Variants in TNFRSF19 observed in about 807,000 individuals in gnomAD.
The protein encoded by TNFRSF19 is TNF receptor superfamily member 19, also known as tumor necrosis factor receptor superfamily member 19.
Under a neutral mutation model 46.4 loss-of-function variants are expected in TNFRSF19, and 27 were observed. The observed-to-expected ratio is 0.58, with a 90% CI of 0.43 to 0.80. The LOEUF is 0.80. Ranked by LOEUF, TNFRSF19 falls within the 30% of genes least tolerant of loss-of-function variation. The pLI, the probability that TNFRSF19 is intolerant of heterozygous loss-of-function variation, is 0.00. For synonymous variants in TNFRSF19, 204 were observed against 205.0 expected, an observed-to-expected ratio of 1.00 and a Z score of 0.04; for missense variants, 511 against 530.8, an observed-to-expected ratio of 0.96 and a Z score of 0.37.
intron 3 of TNFRSF19, among the ~76,000 whole-genome samples, chr13:23,607,440 AATAG>A (rs1277661954): frequency 6.6e-6 from 1 of 152,150 alleles, no homozygotes; most frequent in Non-Finnish European, 1.5e-5. Flanking sequence ...TAAATAGATA[AATAG>A]ATAGACAGTT....
At chr13:23,629,397 G>C (rs955739710) in intron 5 of TNFRSF19, among the ~76,000 whole-genome samples, 1 of 152,172 alleles carries the variant, frequency 6.6e-6, no homozygotes, top group Non-Finnish European at 1.5e-5. Flanking sequence ...GGGGCTGTCT[G>C]TCCTAACCTA....
intron 1 of TNFRSF19, among the ~76,000 whole-genome samples, chr13:23,577,940 T>TG (rs892753782): frequency 6.6e-6 from 1 of 150,408 alleles, no homozygotes; most frequent in Non-Finnish European, 1.5e-5. Context: ...TGGTGAGGGG[T>TG]GGGGAGGGTC....
chr13:23,602,657 T>G (rs1045788773), intron 3 of TNFRSF19, among the ~76,000 whole-genome samples: 2 of 152,114 alleles, frequency 1.3e-5, no homozygotes, highest in African/African-American at 4.8e-5. Flanking sequence ...AATCGTATAG[T>G]GTCTGCTGTC....
intron 3 of TNFRSF19, among the ~76,000 whole-genome samples, chr13:23,602,931 C>T (rs1880266342): frequency 6.6e-6 from 1 of 151,818 alleles, no homozygotes; most frequent in African/African-American, 2.4e-5. Context: ...TAAGCTTATA[C>T]CTTATAAAAC....
intron 5 of TNFRSF19, among the ~76,000 whole-genome samples, chr13:23,634,434 G>T (rs1487350244): frequency 6.6e-6 from 1 of 152,182 alleles, no homozygotes; most frequent in Non-Finnish European, 1.5e-5. Context: ...ACAATCAACA[G>T]GTTGTGATTT....
chr13:23,669,854 T>C (rs913562), intron 9 of TNFRSF19: 276,540 of 321,574 alleles, frequency 0.86, 119,715 homozygotes, highest in Admixed American at 0.9. Context: ...TAAATGGGAG[T>C]GCATGTATTG....
At chr13:23,628,232 TA>T (rs1165219226) in intron 5 of TNFRSF19, among the ~76,000 whole-genome samples, 1 of 152,216 alleles carries the variant, frequency 6.6e-6, no homozygotes, top group Non-Finnish European at 1.5e-5. Context: ...CTAAGCTCCC[TA>T]AGGAAAACTA....
intron 5 of TNFRSF19, among the ~76,000 whole-genome samples, chr13:23,648,052 A>C (rs1430998025): frequency 1.3e-5 from 2 of 152,014 alleles, no homozygotes; most frequent in Non-Finnish European, 2.9e-5. Flanking sequence ...CTTTTGTAAG[A>C]CTATTTTGAC....
intron 7 of TNFRSF19, among the ~76,000 whole-genome samples, chr13:23,664,009 G>A (rs957482802): frequency 6.6e-6 from 1 of 152,010 alleles, no homozygotes; most frequent in South Asian, 2.1e-4. Flanking sequence ...TTTCAGCTCT[G>A]ATTTTGGTTA....
intron 1 of TNFRSF19, among the ~76,000 whole-genome samples, chr13:23,575,645 A>C (rs1877906368): frequency 6.6e-6 from 1 of 152,182 alleles, no homozygotes; most frequent in Non-Finnish European, 1.5e-5. Flanking sequence ...TCAATTACTA[A>C]TTCATCCAAC....
At chr13:23,663,126 C>T (rs1281884974) in intron 7 of TNFRSF19, among the ~76,000 whole-genome samples, 2 of 152,146 alleles carry the variant, frequency 1.3e-5, no homozygotes, top group East Asian at 1.9e-4. Context: ...CAGCTTTTCC[C>T]CAGTCAGTAT....
Position 23,586,452 on chromosome 13 carries a change from G to A in TNFRSF19, c.-34-3698G>A, listed in dbSNP as rs377086747. Among the ~76,000 whole-genome samples, 16 of 152,264 alleles carry A rather than the reference G, an allele frequency of 1.1e-4. No homozygotes were observed. In the East Asian group the frequency reaches 3.1e-3, roughly 29 times the overall value. ...CAGACTGGGGGCAGGCATTGTAGAG[G>A]AAGGGACAGTTGAGGGACCTGCTGG... On this transcript the variant is annotated intron_variant, in intron 1 of 9. Coordinates refer to ENST00000248484, the MANE Select transcript of TNFRSF19 (RefSeq NM_148957.4).
rs1223917555 is a variant in TNFRSF19, at chr13:23,645,429, T to C, written c.446-13621T>C. Among the ~76,000 whole-genome samples, 3 of 152,190 alleles carry C rather than the reference T, an allele frequency of 2.0e-5. No individual in the cohort carries two copies. In the East Asian group the frequency reaches 5.8e-4, roughly 29 times the overall value. On this transcript the variant is annotated intron_variant, in intron 5 of 9. Transcript: ENST00000248484. The stretch of plus-strand genomic sequence containing the variant: ...GTTGACCAGGCTGGTCTCAAACTCC[T>C]GGCATCAAGTGATCTTACCGCCTTG...
intron 2 of TNFRSF19, among the ~76,000 whole-genome samples, chr13:23,592,331 T>C (rs1879372208): frequency 6.6e-6 from 1 of 152,074 alleles, no homozygotes; most frequent in African/African-American, 2.4e-5. Context: ...GGGTAAGGGG[T>C]TGGACCAAAC....
chr13:23,667,377 A>C (rs1007570197), intron 7 of TNFRSF19, among the ~76,000 whole-genome samples: 4 of 152,166 alleles, frequency 2.6e-5, no homozygotes, highest in Non-Finnish European at 5.9e-5. Flanking sequence ...CTAGCAATAA[A>C]AAGAAATGGT....
rs1184347764 is a variant in TNFRSF19, at chr13:23,615,726, C to T, written c.181-141C>T. The T allele has an allele frequency of 3.4e-5, 25 of 736,478 alleles. No homozygotes were observed. In the East Asian group the frequency reaches 6.7e-4, roughly 20 times the overall value. The allele number at this position is 736,478 out of a possible 1,614,324, so 45.6% of individuals were successfully genotyped here. A position where few individuals can be genotyped will look rare whatever the true frequency, so the allele number is the denominator to read the frequency against. ...ATTAGCAGTGGAAGACACATTTGAA[C>T]TTGCTGAAAGAGCTGCCTTTGTGTC... On this transcript the variant is annotated intron_variant, in intron 3 of 9. Coordinates refer to ENST00000248484, the MANE Select transcript of TNFRSF19 (RefSeq NM_148957.4).
At chr13:23,658,095 G>T (rs1884101679) in intron 5 of TNFRSF19, among the ~76,000 whole-genome samples, 1 of 151,878 alleles carries the variant, frequency 6.6e-6, no homozygotes, top group African/African-American at 2.4e-5. Context: ...ATTATTTTGG[G>T]GTTAGTTAAG....
chr13:23,626,254 T>C (rs1220546787), intron 4 of TNFRSF19, among the ~76,000 whole-genome samples: 1 of 151,282 alleles, frequency 6.6e-6, no homozygotes, highest in African/African-American at 2.4e-5. Context: ...CTTTGACTCC[T>C]GGTTTCTTGT....
intron 2 of TNFRSF19, 40 bp from the exon 3 acceptor site, chr13:23,593,305 C>A: frequency 7.9e-7 from 1 of 1,270,486 alleles, no homozygotes; most frequent in South Asian, 1.4e-5. Context: ...AAATGTTTAA[C>A]ATACTTTAAG....
Sources: allele counts gnomAD v4.1 joint callset (sites outside exome capture counted in the v4.1 genomes callset), GRCh38; gene constraint gnomAD v4.1.1; transcripts MANE v1.5; gene names NCBI Gene and HGNC (gene_info 2026-07-23, HGNC 2026-07-21).